Variants in ROBO2 observed in about 807,000 individuals in gnomAD.
The protein encoded by ROBO2 is roundabout guidance receptor 2, also known as roundabout homolog 2.
ROBO2 carries 53 observed loss-of-function variants against 160.8 expected under a neutral mutation model. The observed-to-expected ratio is 0.33, with a 90% CI of 0.26 to 0.41. ROBO2 has a LOEUF of 0.41. Among genes scored for constraint, ROBO2 ranks in the 10% least tolerant of loss-of-function variants. The pLI is 1.00. For missense variants in ROBO2, 1,577 were observed against 1,722.4 expected (o/e 0.92, Z 1.49); for synonymous variants, 664 against 611.7 (o/e 1.09, Z -1.26).
intron 2 of ROBO2, among the ~76,000 whole-genome samples, chr3:76,583,086 G>A (rs1314000194): frequency 6.6e-6 from 1 of 151,814 alleles, no homozygotes; most frequent in African/African-American, 2.4e-5. Flanking sequence ...ACGGAACCGA[G>A]CTGCAGGCCA....
intron 2 of ROBO2, among the ~76,000 whole-genome samples, chr3:76,662,051 A>G (rs748380180): frequency 6.6e-6 from 1 of 152,146 alleles, no homozygotes; most frequent in South Asian, 2.1e-4. Context: ...TGTTAACGCT[A>G]GTGAGTTATG....
At chr3:76,668,881 C>T (rs563032846) in intron 2 of ROBO2, among the ~76,000 whole-genome samples, 2 of 152,130 alleles carry the variant, frequency 1.3e-5, no homozygotes, top group South Asian at 2.1e-4. Context: ...CTGACTGCAG[C>T]GGTTGGGGTG....
intron 2 of ROBO2, among the ~76,000 whole-genome samples, chr3:76,338,489 C>T (rs910445771): frequency 2.0e-5 from 3 of 151,388 alleles, no homozygotes; most frequent in East Asian, 1.9e-4. Context: ...CCAGCCTGGG[C>T]GTCATAAGAA....
chr3:76,018,387 G>A (rs542777940), intron 2 of ROBO2, among the ~76,000 whole-genome samples: 360 of 151,870 alleles, frequency 2.4e-3, no homozygotes, highest in African/African-American at 6.3e-3. Flanking sequence ...ATAAGAATTA[G>A]CCTTTGGATT....
chr3:76,860,851 T>A (rs1391403282), intron 2 of ROBO2, among the ~76,000 whole-genome samples: 1 of 152,180 alleles, frequency 6.6e-6, no homozygotes, highest in Non-Finnish European at 1.5e-5. Flanking sequence ...TCTCTCCATT[T>A]TCTGATTCCT....
chr3:77,053,619 G>A (rs1205399539), intron 1 of ROBO2, among the ~76,000 whole-genome samples: 1 of 152,038 alleles, frequency 6.6e-6, no homozygotes, highest in Non-Finnish European at 1.5e-5. Context: ...CATTTAAAAG[G>A]GAAATGATAA....
In ROBO2 at chr3:77,153,055, A is replaced by G. The variant is rs2077677043; in HGVS notation, c.388+54715A>G. Among the ~76,000 whole-genome samples, 6 of 152,288 alleles carry G rather than the reference A, an allele frequency of 3.9e-5. No homozygotes were observed. The South Asian group carries it at 8.3e-4, about 21-fold the overall frequency. ...TTCAGTCTGTCTCGTTTCACTTAGT[A>G]TAAGTACATTGATCTGTAGTCTTTA... On this transcript the variant is annotated intron_variant, in intron 2 of 25. Coordinates refer to ENST00000461745, the Ensembl canonical transcript of ROBO2.
intron 2 of ROBO2, among the ~76,000 whole-genome samples, chr3:76,415,965 T>G (rs1478340561): frequency 1.3e-5 from 2 of 152,134 alleles, no homozygotes. Context: ...GGAGCTAATG[T>G]TCTCAATTAT....
intron 5 of ROBO2, among the ~76,000 whole-genome samples, chr3:77,495,210 A>G (rs2086632839): frequency 6.6e-6 from 1 of 152,214 alleles, no homozygotes; most frequent in South Asian, 2.1e-4. Flanking sequence ...ACACAGGTTT[A>G]TTTTAAATAA....
At chr3:76,540,966 A>T (rs566440179) in intron 2 of ROBO2, among the ~76,000 whole-genome samples, 199 of 152,116 alleles carry the variant, frequency 1.3e-3, no homozygotes, top group African/African-American at 4.7e-3. Flanking sequence ...CATCTAGCTA[A>T]ATTTTGTATT....
At chr3:75,997,019 C>T (rs541162055) in intron 2 of ROBO2, among the ~76,000 whole-genome samples, 2 of 152,272 alleles carry the variant, frequency 1.3e-5, no homozygotes, top group East Asian at 3.9e-4. Context: ...ATAAGTAAGA[C>T]TACTACATCA....
intron 2 of ROBO2, among the ~76,000 whole-genome samples, chr3:77,010,853 T>TCTCTCC (rs1553726478): frequency 3.2e-5 from 3 of 93,502 alleles, no homozygotes; most frequent in African/African-American, 4.2e-5. Context: ...TCCCTCCCTC[T>TCTCTCC]CTCCCTCCCT....
intron 2 of ROBO2, among the ~76,000 whole-genome samples, chr3:77,183,950 A>G (rs542307413): frequency 1.3e-5 from 2 of 152,122 alleles, no homozygotes; most frequent in African/African-American, 4.8e-5. Context: ...GTCTTTAACC[A>G]CCATATATTT....
At position 77,277,120 on chromosome 3, in the gene ROBO2, C is replaced by T. The variant is rs114947167; in HGVS notation, c.388+178780C>T. Among the ~76,000 whole-genome samples the T allele has an allele frequency of 2.7e-3, 394 of 147,246 alleles. 6 individuals carry two copies. Among genetic ancestry groups the T allele is most frequent in the African/African-American group, 8.7e-3 (345 of 39,716 alleles). ...GAGAGAGAGAGAAATAAAAATGCACCCTTCCTTCCTTCCTTTCTTCCTTCT... is the reference window on the plus strand; with the variant it reads ...GAGAGAGAGAGAAATAAAAATGCACTCTTCCTTCCTTCCTTTCTTCCTTCT... On this transcript the variant is annotated intron_variant, in intron 2 of 25. Coordinates refer to ENST00000461745, the Ensembl canonical transcript of ROBO2.
intron 2 of ROBO2, among the ~76,000 whole-genome samples, chr3:76,473,085 C>A (rs1164765086): frequency 6.6e-6 from 1 of 152,142 alleles, no homozygotes; most frequent in African/African-American, 2.4e-5. Context: ...AAAATGAATG[C>A]AATTTGTTCT....
At chr3:76,235,134 A>G (rs1270014741) in intron 2 of ROBO2, among the ~76,000 whole-genome samples, 6 of 152,186 alleles carry the variant, frequency 3.9e-5, no homozygotes, top group Non-Finnish European at 1.5e-5. Flanking sequence ...CCTCCCTCAC[A>G]GTAGTTGTGA....
intron 2 of ROBO2, among the ~76,000 whole-genome samples, chr3:76,342,691 A>G (rs1400503191): frequency 6.6e-6 from 1 of 152,156 alleles, no homozygotes; most frequent in Non-Finnish European, 1.5e-5. Flanking sequence ...AGAGAAAAAA[A>G]TCACTAGAGT....
rs144533315 is a variant in ROBO2 at position 76,418,786 on chromosome 3, A to T, written c.109+481184A>T. Among the ~76,000 whole-genome samples, 34 of 152,280 alleles carry T rather than the reference A, an allele frequency of 2.2e-4. No homozygotes were observed. In the East Asian group the frequency reaches 5.8e-3, roughly 26 times the overall value. On this transcript the variant is annotated intron_variant, in intron 2 of 26. Coordinates refer to the ROBO2 transcript ENST00000487694. ...CTCTTTACAGTCACATTTGGTTGAA[A>T]ATATACTCAAAGACCTTATAATCAG...
chr3:76,487,068 C>G (rs889110089), intron 2 of ROBO2, among the ~76,000 whole-genome samples: 9 of 152,112 alleles, frequency 5.9e-5, no homozygotes, highest in Admixed American at 1.3e-4. Context: ...CTCCTGGGCT[C>G]AAGCAATCCA....
Sources: gnomAD v4.1 joint callset for allele counts (sites outside exome capture counted in the v4.1 genomes callset) on GRCh38, gnomAD v4.1.1 for gene constraint, MANE v1.5 for transcripts, NCBI Gene and HGNC (gene_info 2026-07-23, HGNC 2026-07-21) for gene names.